The following LRRC36 variants were observed in gnomAD, a reference collection of about 807,000 sequenced individuals.
The protein encoded by LRRC36 is leucine-rich repeat-containing protein 36.
In LRRC36, 62 loss-of-function variants were observed where a neutral mutation model predicts 81.1. The ratio of observed to expected loss-of-function variants is 0.76; its 90% CI spans 0.62 to 0.94. The LOEUF (loss-of-function observed/expected upper bound fraction) is 0.94. Ranked by LOEUF, LRRC36 falls within the 40% of genes least tolerant of loss-of-function variation. The probability of loss-of-function intolerance (pLI) is 0.00; values close to 1 mark genes in which losing one functional copy is unlikely to be tolerated. For missense variants in LRRC36, 761 were observed against 881.7 expected, an observed-to-expected ratio of 0.86 and a Z score of 1.73; for synonymous variants, 334 against 348.6, an observed-to-expected ratio of 0.96 and a Z score of 0.47.
rs2038996518 is a variant in LRRC36, at chr16:67,358,434, C to T, written c.578-5156C>T. On this transcript the variant is annotated intron_variant, in intron 5 of 13. Coordinates refer to ENST00000329956, the MANE Select transcript of LRRC36 (RefSeq NM_018296.6). ...CACAGCTCACTGCAACCTCAAACTC[C>T]TGGGCTTAAGTGATATTCCTGCCTC... Among the ~76,000 whole-genome samples the T allele has an allele frequency of 2.0e-5, 3 of 151,990 alleles. No individual in the cohort carries two copies. The South Asian group carries it at 6.2e-4, about 32-fold the overall frequency.
chr16:67,378,858 C>G, intron 12 of LRRC36, 146 bp downstream of exon 12: 1 of 834,488 alleles, frequency 1.2e-6, no homozygotes, highest in Non-Finnish European at 1.8e-6. Context: ...TTAACAGAAA[C>G]AATCATCTTG....
chr16:67,382,471 C>T (rs529470257), intron 13 of LRRC36, among the ~76,000 whole-genome samples: 81 of 152,204 alleles, frequency 5.3e-4, no homozygotes, highest in African/African-American at 1.8e-3. Flanking sequence ...GTTGCAACAC[C>T]TCGATAATTA....
At chr16:67,376,247 G>C (rs1174058784) in intron 10 of LRRC36, among the ~76,000 whole-genome samples, 1 of 152,156 alleles carries the variant, frequency 6.6e-6, no homozygotes, top group Admixed American at 6.5e-5. Flanking sequence ...GGTGGAGTTT[G>C]CAGTGATCCG....
chr16:67,367,533 T>A, intron 8 of LRRC36, 76 bp downstream of exon 8: 2 of 1,322,532 alleles, frequency 1.5e-6, no homozygotes, highest in Non-Finnish European at 1.0e-6. Flanking sequence ...ATTTTGGAAT[T>A]AACCCTTCTG....
At chr16:67,384,355 A>G (rs2040216953) in intron 13 of LRRC36, among the ~76,000 whole-genome samples, 2 of 152,146 alleles carry the variant, frequency 1.3e-5, no homozygotes, top group South Asian at 2.1e-4. Flanking sequence ...AATTGCTTGA[A>G]TCCAGGAGGC....
intron 5 of LRRC36, among the ~76,000 whole-genome samples, chr16:67,359,401 C>T (rs958815555): frequency 6.6e-6 from 1 of 152,028 alleles, no homozygotes; most frequent in African/African-American, 2.4e-5. Context: ...TTGTATGATT[C>T]CATTTATATA....
chr16:67,372,577 C>T (rs1309546607), intron 9 of LRRC36, among the ~76,000 whole-genome samples: 1 of 152,040 alleles, frequency 6.6e-6, no homozygotes, highest in Non-Finnish European at 1.5e-5. Flanking sequence ...TTAGAGGAAC[C>T]CCAGCTCTTA....
At chr16:67,349,655 T>A (rs534689977) in intron 4 of LRRC36, among the ~76,000 whole-genome samples, 1 of 152,338 alleles carries the variant, frequency 6.6e-6, no homozygotes, top group African/African-American at 2.4e-5. Flanking sequence ...TTCTAAATCT[T>A]CTGGCTTTCA....
At chr16:67,372,639 CAATT>C (rs2039698797) in intron 9 of LRRC36, among the ~76,000 whole-genome samples, 1 of 152,168 alleles carries the variant, frequency 6.6e-6, no homozygotes, top group Non-Finnish European at 1.5e-5. Context: ...AACCATTTGT[CAATT>C]AATAATTTAC....
intron 5 of LRRC36, chr16:67,362,443 G>A: frequency 4.3e-6 from 1 of 231,520 alleles, no homozygotes; most frequent in Non-Finnish European, 8.9e-6. Context: ...CTACAAATGT[G>A]AGTCACCGTG....
intron 1 of LRRC36, among the ~76,000 whole-genome samples, chr16:67,339,401 T>G (rs556680815): frequency 1.1e-4 from 17 of 152,172 alleles, no homozygotes; most frequent in Non-Finnish European, 1.3e-4. Context: ...AGCTGCTACA[T>G]TGCTATGATG....
chr16:67,343,436 C>G (rs1227700026), intron 2 of LRRC36, among the ~76,000 whole-genome samples: 1 of 151,968 alleles, frequency 6.6e-6, no homozygotes, highest in African/African-American at 2.4e-5. Context: ...GTGGCTCATG[C>G]CTGTAATCTC....
At chr16:67,329,490 A>G (rs1485431962) in intron 1 of LRRC36, among the ~76,000 whole-genome samples, 2 of 148,684 alleles carry the variant, frequency 1.3e-5, no homozygotes, top group African/African-American at 4.9e-5. Flanking sequence ...ACGGGGTTTC[A>G]CCATGCTAGC....
intron 13 of LRRC36, among the ~76,000 whole-genome samples, chr16:67,384,659 T>A (rs912510611): frequency 6.6e-6 from 1 of 152,226 alleles, no homozygotes; most frequent in East Asian, 1.9e-4. Flanking sequence ...AAATGTATTA[T>A]TGCTTCAGTA....
intron 8 of LRRC36, among the ~76,000 whole-genome samples, chr16:67,368,919 A>C (rs2039520210): frequency 6.6e-6 from 1 of 152,106 alleles, no homozygotes; most frequent in Non-Finnish European, 1.5e-5. Context: ...TGTGGTTTTG[A>C]GTCTGAATAA....
At position 67,331,069 on chromosome 16, in the gene LRRC36, A is replaced by AAGAGAGAG. The variant is rs71145966; in HGVS notation, c.70+4175_70+4182dup. On this transcript the variant is annotated intron_variant, in intron 1 of 13. Coordinates refer to ENST00000329956, the MANE Select transcript of LRRC36 (RefSeq NM_018296.6). ...GTGCATGTGTGAGATGTGAGAGAGA[A>AAGAGAGAG]AGAGAGAGAGAGAGAGAGAGAGAGA... Among the ~76,000 whole-genome samples the AAGAGAGAG allele has an allele frequency of 7.9e-3, 937 of 118,612 alleles. 37 individuals are homozygous for AAGAGAGAG. Among genetic ancestry groups the AAGAGAGAG allele is most frequent in the African/African-American group, 0.027 (752 of 27,954 alleles). 77.8% of individuals were successfully genotyped at this position (118,612 alleles called of 152,430 possible). A position where few individuals can be genotyped will look rare whatever the true frequency, so the allele number is the denominator to read the frequency against.
At chr16:67,350,332 G>C (rs1289116528) in intron 5 of LRRC36, 42 bp downstream of exon 5, 1 of 1,476,898 alleles carries the variant, frequency 6.8e-7, no homozygotes, top group Non-Finnish European at 9.4e-7. Context: ...TAAAACATCA[G>C]TTATCTCAGC....
At chr16:67,350,173 A>C in intron 4 of LRRC36, 29 bp from the exon 5 acceptor site, 3 of 1,012,908 alleles carry the variant, frequency 3.0e-6, no homozygotes, top group Non-Finnish European at 4.2e-6. Context: ...TTTTTTTTTG[A>C]GTTGTAAATA....
chr16:67,364,067 TG>T (rs1400120123), intron 6 of LRRC36, among the ~76,000 whole-genome samples: 1 of 152,238 alleles, frequency 6.6e-6, no homozygotes, highest in African/African-American at 2.4e-5. Flanking sequence ...CCTGTTGCCT[TG>T]CTTCTTACAT....
Sources: gnomAD v4.1 joint callset for allele counts (sites outside exome capture counted in the v4.1 genomes callset) on GRCh38, gnomAD v4.1.1 for gene constraint, MANE v1.5 for transcripts, NCBI Gene and HGNC (gene_info 2026-07-23, HGNC 2026-07-21) for gene names.